Variants in ABCA2 observed in about 807,000 individuals in gnomAD.
ABCA2 encodes ATP-binding cassette sub-family A member 2.
In ABCA2, 84 loss-of-function variants were observed where a neutral mutation model predicts 262.8. The observed-to-expected ratio is 0.32, with a 90% CI of 0.27 to 0.38. ABCA2 has a LOEUF of 0.38. ABCA2 is among the 10% of genes least tolerant of loss of function. The pLI, the probability that ABCA2 is intolerant of heterozygous loss-of-function variation, is 1.00. For missense variants in ABCA2, 2,662 were observed against 3,405.9 expected, an observed-to-expected ratio of 0.78 and a Z score of 5.44; for synonymous variants, 1,696 against 1,502.9, an observed-to-expected ratio of 1.13 and a Z score of -2.97.
Position 137,017,523 on chromosome 9 carries a change from G to T in ABCA2, c.2381C>A (p.Ala794Glu). Residue 794 changes from alanine to glutamate, a missense_variant, in exon 17 of 49, where the codon GCG becomes GAG. By Grantham distance (107) the Ala-to-Glu change is moderately radical (BLOSUM62 -1). This residue lies in a region of ABCA2 where 188 missense variants were observed against 343.4 expected (regional missense o/e 0.55). Coordinates refer to ENST00000341511, the MANE Select transcript of ABCA2 (RefSeq NM_001606.5). ...TCACCAGAACATGATGGTGGCCACC[G>T]CGTAGACTGCCAGGAAGAGCCAGAT... ...VIIWLFLAVY[A>E]VATIMFCFLV... 1.9e-6 allele frequency: 3 copies of T among 1,609,834 alleles called. No homozygotes were observed. The highest frequency in any genetic ancestry group is 2.5e-6 in the Non-Finnish European group (3 of 1,177,564).
rs1260800133 is a variant in ABCA2 at position 137,011,371 on chromosome 9, G to A, written c.5799+36C>T. 2.5e-6 allele frequency: 4 copies of A among 1,607,034 alleles called. No homozygotes were observed. The highest frequency in any genetic ancestry group is 3.4e-6 in the Non-Finnish European group (4 of 1,176,902). On this transcript the variant is annotated intron_variant, in intron 37 of 48. Coordinates refer to ENST00000341511, the MANE Select transcript of ABCA2 (RefSeq NM_001606.5). This position sits in a 1 kb window ranked among gnomAD's most constrained non-coding sequence, Gnocchi z 8.8. Reference sequence around the variant, plus strand: ...CGGGGTGAGGGGCACAGCCTCCGCAGGGTCCGCCACCCCCACCATGTCGTC... The same window carrying A: ...CGGGGTGAGGGGCACAGCCTCCGCAAGGTCCGCCACCCCCACCATGTCGTC...
chr9:137,020,076 C>T (rs1831397767), intron 10 of ABCA2: 2 of 520,704 alleles, frequency 3.8e-6, no homozygotes, highest in Non-Finnish European at 6.9e-6. Context: ...TCCACCAGCA[C>T]TGCCCTGGAC....
rs765190458 is a variant in ABCA2 at position 137,017,557 on chromosome 9, C to T, written c.2347G>A (p.Val783Met). 7 of 1,612,314 alleles carry T rather than the reference C, an allele frequency of 4.3e-6. No individual in the cohort carries two copies. Among genetic ancestry groups the T allele is most frequent in the East Asian group, 2.2e-5 (1 of 44,888 alleles). Residue 783 changes from valine (V) to methionine (M), a missense_variant, in exon 17 of 49, where the codon GTG becomes ATG. By Grantham distance (21) the Val-to-Met change is conservative. This residue lies in a region of ABCA2 where 188 missense variants were observed against 343.4 expected (regional missense o/e 0.55). Transcript: ENST00000341511. ...KYGQVLMHSH[V>M]VIIWLFLAVY... Reference sequence around the variant, plus strand: ...GCCAGGAAGAGCCAGATGATGACCACGTGGCTGTGCATAAGCACCTGGCCG... The same window carrying T: ...GCCAGGAAGAGCCAGATGATGACCATGTGGCTGTGCATAAGCACCTGGCCG...
chr9:137,013,071 C>G lies in ABCA2; in HGVS notation c.4798G>C (p.Asp1600His). Residue 1600 changes from aspartate to histidine, a missense_variant, in exon 30 of 49, where the codon GAC becomes CAC. This residue lies in a region of ABCA2 where 192 missense variants were observed against 207.2 expected (regional missense o/e 0.93). Transcript: ENST00000341511. ...TCCTCATCCGGGGACGCTGGCGAGT[C>G]AGATGGGGCGGGCGAGGGTGGGGGT... Reference protein sequence around the residue: ...VPPPPSPAPSDSPASPDEDLQ... With the variant: ...VPPPPSPAPSHSPASPDEDLQ... The G allele has an allele frequency of 6.4e-7, 1 of 1,565,112 alleles. No homozygotes were observed. Among genetic ancestry groups the G allele is most frequent in the Non-Finnish European group, 8.6e-7 (1 of 1,158,046 alleles).
Position 137,020,872 on chromosome 9 carries a change from C to T in ABCA2, c.1087G>A (p.Gly363Ser), listed in dbSNP as rs1831427413. The T allele has an allele frequency of 6.5e-7, 1 of 1,547,330 alleles. No homozygotes were observed. Among genetic ancestry groups the T allele is most frequent in the Admixed American group, 2.0e-5 (1 of 49,948 alleles). The change falls in exon 9 of 49, where the codon GGT (glycine) becomes AGT (serine). Residue 363 changes from glycine to serine, a missense_variant. By Grantham distance (56) the Gly-to-Ser change is moderately conservative (BLOSUM62 0). Coordinates refer to ENST00000341511, the MANE Select transcript of ABCA2 (RefSeq NM_001606.5). ...GTGCCATTGGCCGCCCCACCCGCACCACTGGCTGGGGGTCCGGGGGTCCGG... is the reference window on the plus strand; with the variant it reads ...GTGCCATTGGCCGCCCCACCCGCACTACTGGCTGGGGGTCCGGGGGTCCGG... ...TGRTPGPPAS[G>S]AGGAANGTGA...
rs201265841 is a variant in ABCA2 at position 137,021,438 on chromosome 9, G to C, written c.851C>G (p.Ser284Cys). 2.5e-6 allele frequency: 4 copies of C among 1,611,502 alleles called. No homozygotes were observed. The Admixed American group carries it at 5.0e-5, about 20-fold the overall frequency. The change falls in exon 8 of 49, where the codon TCT (serine) becomes TGT (cysteine). Residue 284 changes from serine (S) to cysteine (C), a missense_variant. Ser to Cys is a moderately radical substitution (Grantham distance 112, BLOSUM62 -1). Coordinates refer to ENST00000341511, the MANE Select transcript of ABCA2 (RefSeq NM_001606.5). The surrounding 1 kb of genome is among the most constrained non-coding windows in gnomAD (Gnocchi z 6.0). The stretch of plus-strand genomic sequence containing the variant: ...GTCCAGCTGGTTCCGGAGCTCAGCA[G>C]ACAGCCCAGAGAAGCGCCTGGCACG... ...AARARRFSGL[S>C]AELRNQLDVA...
chr9:137,026,567 CCTGTAGGGTGGGGACCCA>C (rs1831659981), intron 1 of ABCA2, among the ~76,000 whole-genome samples: 1 of 152,186 alleles, frequency 6.6e-6, no homozygotes, highest in African/African-American at 2.4e-5. Flanking sequence ...CTCTGGGAGC[CCTGTAGGGTGGGGACCCA>C]AAAAGGTCCT....
In ABCA2 at chr9:137,022,916, C is replaced by T. The variant is rs755079304; in HGVS notation, c.275+25G>A. 4 of 1,556,188 alleles carry T rather than the reference C, an allele frequency of 2.6e-6. No individual in the cohort carries two copies. The Admixed American group carries it at 5.7e-5, about 22-fold the overall frequency. On this transcript the variant is annotated intron_variant, in intron 4 of 48. Coordinates refer to ENST00000341511, the MANE Select transcript of ABCA2 (RefSeq NM_001606.5). ...TGGATGGGCTGGGGAGGGGTGGGTG[C>T]TCCGAGGGGCGGGTGGGCACTCACG...
chr9:137,022,381 T>A lies in ABCA2; in HGVS notation c.537A>T (p.Ala179=), dbSNP rs35590326. 8.1e-6 allele frequency: 13 copies of A among 1,608,934 alleles called. No homozygotes were observed. The highest frequency in any genetic ancestry group is 1.6e-4 in the Middle Eastern group (1 of 6,082). ...GCGGGTCCACACGGGCGGCCAAGAGTGCTTGGGCCGTGCTATTGGGCAGCG... is the reference window on the plus strand; with the variant it reads ...GCGGGTCCACACGGGCGGCCAAGAGAGCTTGGGCCGTGCTATTGGGCAGCG... ...NLSLPNSTAQ[A]LLAARVDPPE... The change falls in exon 6 of 49, where the codon GCA becomes GCT. Residue 179 remains alanine (A), a synonymous_variant. Transcript: ENST00000341511.
chr9:137,014,440 C>A, intron 26 of ABCA2, 36 bp from the exon 27 acceptor site: 1 of 1,545,926 alleles, frequency 6.5e-7, no homozygotes, highest in East Asian at 2.4e-5. Context: ...ACACTCAGGG[C>A]TACTGGCCCC....
chr9:137,012,979 C>CA, intron 30 of ABCA2, 23 bp downstream of exon 30: 1 of 1,481,418 alleles, frequency 6.8e-7, no homozygotes, highest in Non-Finnish European at 9.0e-7. Flanking sequence ...CCTGCCCCCC[C>CA]AGCAGGCCCC....
chr9:137,020,704 C>T lies in ABCA2; in HGVS notation c.1255G>A (p.Gly419Ser). ...LWAGLQPILC[G>S]NNRTIEPEAL... ...CTGCCGCCCACCTACCGGTTGTTGC[C>T]ACACAAGATGGGCTGCAGGCCGGCC... The change falls in exon 9 of 49, where the codon GGC becomes AGC. Residue 419 changes from glycine to serine, a missense_variant. Physicochemically the swap from Gly to Ser is moderately conservative, Grantham distance 56. Transcript: ENST00000341511. The T allele has an allele frequency of 6.2e-7, 1 of 1,600,470 alleles. No homozygotes were observed. Among genetic ancestry groups the T allele is most frequent in the South Asian group, 1.1e-5 (1 of 90,888 alleles).
chr9:137,024,344 G>A, intron 1 of ABCA2, 108 bp from the exon 2 acceptor site: 3 of 954,804 alleles, frequency 3.1e-6, no homozygotes, highest in East Asian at 2.7e-5. Flanking sequence ...GTGCTCCCTG[G>A]GGCCAGGGAA....
intron 1 of ABCA2, among the ~76,000 whole-genome samples, chr9:137,025,973 G>C (rs1198888755): frequency 6.6e-6 from 1 of 152,218 alleles, no homozygotes; most frequent in African/African-American, 2.4e-5. Flanking sequence ...CCAGCCCAGT[G>C]CCTTCACATC....
rs757086816 is a variant in ABCA2 at position 137,021,354 on chromosome 9, C to T, written c.897+38G>A. ...CCAGCCCCTCCTTCAACTCAGGCAG[C>T]AAGCAGCGCAGCGGGCAGTGGGCAG... On this transcript the variant is annotated intron_variant, in intron 8 of 48. Transcript: ENST00000341511. This position sits in a 1 kb window ranked among gnomAD's most constrained non-coding sequence, Gnocchi z 6.0. The T allele has an allele frequency of 5.7e-6, 9 of 1,591,412 alleles. No individual in the cohort carries two copies. Among genetic ancestry groups the T allele is most frequent in the Middle Eastern group, 2.2e-4 (1 of 4,482 alleles).
rs911974388 is a variant in ABCA2 at position 137,011,795 on chromosome 9, G to A, written c.5536-46C>T. 13 of 1,527,546 alleles carry A rather than the reference G, an allele frequency of 8.5e-6. No homozygotes were observed. The highest frequency in any genetic ancestry group is 1.2e-5 in the South Asian group (1 of 83,682). 94.6% of individuals were successfully genotyped at this position (1,527,546 alleles called of 1,614,324 possible). A position where few individuals can be genotyped will look rare whatever the true frequency, so the allele number is the denominator to read the frequency against. On this transcript the variant is annotated intron_variant, in intron 35 of 48. Transcript: ENST00000341511. This position sits in a 1 kb window ranked among gnomAD's most constrained non-coding sequence, Gnocchi z 8.8. ...GGTGAGAGACCCGGGGCAGGGCGGG[G>A]ATGGGGGATGAGAAGGGCCGGGGCA...
chr9:137,019,424 CTTTTTTTT>C lies in ABCA2; in HGVS notation c.1426-126_1426-119del. ...ATTGCCAACAACTAACCCTCCCCAC[CTTTTTTTT>C]TTTTTTTTTCCTGAGACAGGGTCTC... On this transcript the variant is annotated intron_variant, in intron 10 of 48. Transcript: ENST00000341511. This position sits in a 1 kb window ranked among gnomAD's most constrained non-coding sequence, Gnocchi z 4.4. 3.3e-6 allele frequency: 3 copies of C among 906,382 alleles called. No individual in the cohort carries two copies. The highest frequency in any genetic ancestry group is 6.1e-5 in the East Asian group (2 of 32,696). 56.1% of individuals were successfully genotyped at this position (906,382 alleles called of 1,614,324 possible). A position where few individuals can be genotyped will look rare whatever the true frequency, so the allele number is the denominator to read the frequency against.
In ABCA2 at chr9:137,028,030, T is replaced by G; in HGVS notation, c.66+45A>C. The G allele has an allele frequency of 1.1e-6, 1 of 947,660 alleles. No individual in the cohort carries two copies. The highest frequency in any genetic ancestry group is 1.3e-6 in the Non-Finnish European group (1 of 797,704). The allele number at this position is 947,660 out of a possible 1,614,324, so 58.7% of individuals were successfully genotyped here. A position where few individuals can be genotyped will look rare whatever the true frequency, so the allele number is the denominator to read the frequency against. ...GCGGGGAGCGCGCCTCTGGCCGCGG[T>G]GCGCGCGGCCTCGGGCTGAGGGCGG... On this transcript the variant is annotated intron_variant, in intron 1 of 48. Transcript: ENST00000341511. This position sits in a 1 kb window ranked among gnomAD's most constrained non-coding sequence, Gnocchi z 6.9.
At position 137,017,821 on chromosome 9, in the gene ABCA2, T is replaced by G; in HGVS notation, c.2177A>C (p.His726Pro). The G allele has an allele frequency of 6.2e-7, 1 of 1,612,574 alleles. No individual in the cohort carries two copies. Among genetic ancestry groups the G allele is most frequent in the Non-Finnish European group, 8.5e-7 (1 of 1,179,842 alleles). Residue 726 changes from histidine (H) to proline (P), a missense_variant, in exon 16 of 49, where the codon CAC becomes CCC. By Grantham distance (77) the His-to-Pro change is moderately conservative. Around this residue, in one of 12 missense-constraint regions of ABCA2, gnomAD observed 188 missense variants for 343.4 expected, o/e 0.55. Coordinates refer to ENST00000341511, the MANE Select transcript of ABCA2 (RefSeq NM_001606.5). ...WVYSVAMTIQ[H>P]IVAEKEHRLK... ...CCGGTGCTCCTTCTCCGCCACGATG[T>G]GCTGGATGGTCATGGCCACGGAGTA...
Sources: gnomAD v4.1 joint callset for allele counts (sites outside exome capture counted in the v4.1 genomes callset) on GRCh38, gnomAD v4.1.1 for gene constraint, gnomAD v4.1.1 regional missense constraint, Gnocchi (gnomAD v3.1) non-coding constraint, MANE v1.5 for transcripts, NCBI Gene and HGNC (gene_info 2026-07-23, HGNC 2026-07-21) for gene names.